The following AKAP6 variants were observed in gnomAD, a reference collection of about 807,000 sequenced individuals.
The protein encoded by AKAP6 is A-kinase anchoring protein 6, also known as A-kinase anchor protein 6.
In AKAP6, 58 loss-of-function variants were observed where a neutral mutation model predicts 188.5. The ratio of observed to expected loss-of-function variants is 0.31; its 90% CI spans 0.25 to 0.38. AKAP6 has a LOEUF of 0.38. Among genes scored for constraint, AKAP6 ranks in the 10% least tolerant of loss-of-function variants. The pLI, the probability that AKAP6 is intolerant of heterozygous loss-of-function variation, is 1.00. For missense variants in AKAP6, 2,710 were observed against 2,740.0 expected, an observed-to-expected ratio of 0.99 and a Z score of 0.24; for synonymous variants, 989 against 998.6, an observed-to-expected ratio of 0.99 and a Z score of 0.18.
chr14:32,577,068 A>G, intron 4 of AKAP6, 52 bp from the exon 5 acceptor site: 6 of 1,575,354 alleles, frequency 3.8e-6, no homozygotes, highest in Non-Finnish European at 4.3e-6. Context: ...AGAATAACCA[A>G]CTAACATGCC....
intron 7 of AKAP6, among the ~76,000 whole-genome samples, chr14:32,641,154 C>G (rs142011911): frequency 1.3e-5 from 2 of 151,968 alleles, no homozygotes; most frequent in Non-Finnish European, 2.9e-5. Context: ...TAAAAACATG[C>G]CCATTCTCCA....
chr14:32,395,440 G>A (rs1438722169), intron 1 of AKAP6, among the ~76,000 whole-genome samples: 1 of 152,130 alleles, frequency 6.6e-6, no homozygotes, highest in African/African-American at 2.4e-5. Context: ...GATACTGAGG[G>A]TGAAGTTAAC....
At chr14:32,800,145 C>CATATATACACACATATATATACACAT (rs2033900656) in intron 12 of AKAP6, among the ~76,000 whole-genome samples, 1 of 115,168 alleles carries the variant, frequency 8.7e-6, no homozygotes, top group East Asian at 2.2e-4. Flanking sequence ...TATATACACA[C>CATATATACACACATATATATACACAT]ATATATACAT....
rs1462262191 is a variant in AKAP6 at position 32,831,393 on chromosome 14, C to T, written c.*1588C>T. The T allele has an allele frequency of 6.6e-6, 1 of 152,054 alleles. No homozygotes were observed. The highest frequency in any genetic ancestry group is 2.4e-5 in the African/African-American group (1 of 41,400). 9.4% of individuals were successfully genotyped at this position (152,054 alleles called of 1,614,324 possible). On this transcript the variant is annotated 3_prime_UTR_variant, in exon 14 of 14. Transcript: ENST00000280979. Reference sequence around the variant, plus strand: ...GGTGACATCTATCCCTTTATTTTGACACTAAAACATGGACACAACTAGAAA... The same window carrying T: ...GGTGACATCTATCCCTTTATTTTGATACTAAAACATGGACACAACTAGAAA...
chr14:32,547,264 G>C (rs1393231335), intron 4 of AKAP6, among the ~76,000 whole-genome samples: 2 of 152,202 alleles, frequency 1.3e-5, no homozygotes, highest in African/African-American at 4.8e-5. Context: ...AATCTATCAT[G>C]ACTACTGATG....
intron 2 of AKAP6, among the ~76,000 whole-genome samples, chr14:32,467,080 A>G (rs2138846905): frequency 6.6e-6 from 1 of 151,674 alleles, no homozygotes; most frequent in African/African-American, 2.4e-5. Context: ...ACGGATGGAA[A>G]AACTACCTGT....
intron 2 of AKAP6, among the ~76,000 whole-genome samples, chr14:32,465,618 C>G (rs1434704447): frequency 6.6e-6 from 1 of 152,076 alleles, no homozygotes; most frequent in Non-Finnish European, 1.5e-5. Flanking sequence ...AATGTAAGAC[C>G]TAAAACCATA....
chr14:32,363,720 G>T (rs1474024092), intron 1 of AKAP6, among the ~76,000 whole-genome samples: 1 of 152,178 alleles, frequency 6.6e-6, no homozygotes, highest in Non-Finnish European at 1.5e-5. Context: ...CAAACTGAGG[G>T]TGGGTCTGCC....
intron 9 of AKAP6, among the ~76,000 whole-genome samples, chr14:32,712,705 G>A (rs1320674254): frequency 6.6e-6 from 1 of 152,038 alleles, no homozygotes. Flanking sequence ...TCTTGCGATT[G>A]CAGCAACTCT....
chr14:32,663,766 G>A (rs1888803321), intron 7 of AKAP6, among the ~76,000 whole-genome samples: 1 of 152,100 alleles, frequency 6.6e-6, no homozygotes, highest in South Asian at 2.1e-4. Context: ...AGTCCTGGAA[G>A]ACTCAGATAC....
chr14:32,682,424 A>ACT (rs1889717014), intron 8 of AKAP6, among the ~76,000 whole-genome samples: 1 of 152,154 alleles, frequency 6.6e-6, no homozygotes, highest in Non-Finnish European at 1.5e-5. Context: ...TGTTCACTGC[A>ACT]CTCTCTCCAG....
chr14:32,445,424 G>A (rs1455328188), intron 2 of AKAP6, among the ~76,000 whole-genome samples: 1 of 152,060 alleles, frequency 6.6e-6, no homozygotes, highest in Non-Finnish European at 1.5e-5. Context: ...CCAGGCTGGA[G>A]TGCAATGATG....
chr14:32,541,181 G>A (rs1287249003), intron 3 of AKAP6, among the ~76,000 whole-genome samples: 1 of 152,142 alleles, frequency 6.6e-6, no homozygotes, highest in East Asian at 1.9e-4. Context: ...CTGATATGGT[G>A]GGACAGGATG....
chr14:32,418,980 A>T (rs566277608), intron 1 of AKAP6, among the ~76,000 whole-genome samples: 21 of 152,280 alleles, frequency 1.4e-4, no homozygotes, highest in African/African-American at 4.8e-4. Flanking sequence ...TGTTCTAGGG[A>T]TTATTTTTCA....
intron 9 of AKAP6, among the ~76,000 whole-genome samples, chr14:32,730,231 A>C (rs565031768): frequency 6.6e-6 from 1 of 152,256 alleles, no homozygotes; most frequent in South Asian, 2.1e-4. Context: ...AATTAACTAG[A>C]TACTCTTAGC....
At chr14:32,693,299 T>C (rs976214812) in intron 8 of AKAP6, 1 of 152,204 alleles carries the variant, frequency 6.6e-6, no homozygotes, top group Non-Finnish European at 1.5e-5. Context: ...CTGCCAACTC[T>C]CTGTGGTCTG....
At chr14:32,779,426 A>AAAAAC (rs1421064437) in intron 12 of AKAP6, among the ~76,000 whole-genome samples, 3 of 150,700 alleles carry the variant, frequency 2.0e-5, no homozygotes, top group African/African-American at 7.3e-5. Context: ...AAAAAAAAAA[A>AAAAAC]AAAAACAAAG....
chr14:32,456,402 A>C (rs944392811), intron 2 of AKAP6, among the ~76,000 whole-genome samples: 3 of 152,234 alleles, frequency 2.0e-5, no homozygotes, highest in African/African-American at 7.2e-5. Context: ...AAGAGATCAA[A>C]ATCTTTTTAC....
At chr14:32,695,923 A>T (rs3742928) in intron 8 of AKAP6, 67 bp from the exon 9 acceptor site, 4 of 1,504,004 alleles carry the variant, frequency 2.7e-6, no homozygotes, top group Non-Finnish European at 3.6e-6. Context: ...AGAATATATT[A>T]TTCTAATATA....
Sources: gnomAD v4.1 joint callset for allele counts (sites outside exome capture counted in the v4.1 genomes callset) on GRCh38, gnomAD v4.1.1 for gene constraint, MANE v1.5 for transcripts, NCBI Gene and HGNC (gene_info 2026-07-23, HGNC 2026-07-21) for gene names.